PDK4: variants seen among roughly 807,000 people sequenced by gnomAD.
The protein encoded by PDK4 is pyruvate dehydrogenase kinase 4.
Under a neutral mutation model 51.7 loss-of-function variants are expected in PDK4, and 43 were observed. The observed-to-expected ratio is 0.83, with a 90% confidence interval of 0.65 to 1.07. The LOEUF (loss-of-function observed/expected upper bound fraction) is 1.07. PDK4 is among the 50% of genes least tolerant of loss of function. The pLI is 0.00. For synonymous variants in PDK4, 170 were observed against 176.6 expected (o/e 0.96, Z 0.30); for missense variants, 498 against 503.5 (o/e 0.99, Z 0.10).
Position 95,584,642 on chromosome 7 carries a change from A to G in PDK4, c.*999T>C, listed in dbSNP as rs1336385095. ...TTAATGCTGGAGTGTAGAGAATATA[A>G]TTAAATATATCAAAAATATATCTTT... is the stretch of plus-strand genomic sequence containing the variant. On this transcript the variant is annotated 3_prime_UTR_variant, in exon 11 of 11. Coordinates refer to ENST00000005178, the MANE Select transcript of PDK4 (RefSeq NM_002612.4). 1.3e-5 allele frequency: 2 copies of G among 152,224 alleles called. No individual in the cohort carries two copies. Among genetic ancestry groups the G allele is most frequent in the Non-Finnish European group, 2.9e-5 (2 of 68,028 alleles). 9.4% of individuals were successfully genotyped at this position (152,224 alleles called of 1,614,324 possible).
intron 7 of PDK4, 104 bp downstream of exon 7, chr7:95,589,536 A>G (rs2116714198): frequency 1.6e-6 from 1 of 625,310 alleles, no homozygotes; most frequent in Non-Finnish European, 2.8e-6. Context: ...TTCTTGGGAA[A>G]AGATATTGAG....
At position 95,592,630 on chromosome 7, in the gene PDK4, A is replaced by T. The variant is rs41278806; in HGVS notation, c.530-33T>A. ...AAAATAAAAACAAAAAAAAATTGTT[A>T]TAAAATTCAGGATAATGATTAGTAC... On this transcript the variant is annotated intron_variant, in intron 4 of 10. Transcript: ENST00000005178. 1.7e-5 allele frequency: 26 copies of T among 1,511,540 alleles called. No homozygotes were observed. The Admixed American group carries it at 3.2e-4, about 18-fold the overall frequency. The allele number at this position is 1,511,540 out of a possible 1,614,324, so 93.6% of individuals were successfully genotyped here. A position where few individuals can be genotyped will look rare whatever the true frequency, so the allele number is the denominator to read the frequency against.
rs918274782 is a variant in PDK4, at chr7:95,585,495, A to G, written c.*146T>C. 2.2e-5 allele frequency: 14 copies of G among 623,124 alleles called. No homozygotes were observed. The African/African-American group carries it at 2.5e-4, about 11-fold the overall frequency. The allele number at this position is 623,124 out of a possible 1,614,324, so 38.6% of individuals were successfully genotyped here. ...CTCCTGGGTCACAGAAACAAGCTCC[A>G]TTCCTCATTGGATCAGTGTTCTGAT... On this transcript the variant is annotated 3_prime_UTR_variant, in exon 11 of 11. Transcript: ENST00000005178.
chr7:95,595,293 T>C (rs1020260665), intron 1 of PDK4, 129 bp from the exon 2 acceptor site: 3 of 566,802 alleles, frequency 5.3e-6, no homozygotes, highest in Non-Finnish European at 8.9e-6. Context: ...GTTGGGTTAC[T>C]GTTAATCGAT....
Position 95,587,715 on chromosome 7 carries a change from G to A in PDK4, c.870+12C>T, listed in dbSNP as rs45507091. On this transcript the variant is annotated intron_variant, in intron 8 of 10. Coordinates refer to ENST00000005178, the MANE Select transcript of PDK4 (RefSeq NM_002612.4). ...TCAAGAGACACCCAAAAGGAAAACA[G>A]AGAATGGTTACCTTAATGGTAAGGT... 87,774 of 1,556,784 alleles carry A rather than the reference G, an allele frequency of 0.056. 2,788 individuals are homozygous for A. The highest frequency in any genetic ancestry group is 0.1 in the Middle Eastern group (614 of 5,936).
At chr7:95,587,937 AT>A in intron 7 of PDK4, 112 bp from the exon 8 acceptor site, 5 of 708,896 alleles carry the variant, frequency 7.1e-6, no homozygotes, top group Non-Finnish European at 9.6e-6. Flanking sequence ...CAAAGTTCCT[AT>A]TTTTTTAAGT....
rs1791467813 is a variant in PDK4 at position 95,585,361 on chromosome 7, G to A, written c.*280C>T. 2 of 259,268 alleles carry A rather than the reference G, an allele frequency of 7.7e-6. No individual in the cohort carries two copies. The highest frequency in any genetic ancestry group is 1.5e-5 in the Non-Finnish European group (2 of 137,672). 16.1% of individuals were successfully genotyped at this position (259,268 alleles called of 1,614,324 possible). A position where few individuals can be genotyped will look rare whatever the true frequency, so the allele number is the denominator to read the frequency against. ...TTTCTTATTCTTATCAAAAACAGAT[G>A]GAAAACTGAGGCTTATTTCTTCAGG... On this transcript the variant is annotated 3_prime_UTR_variant, in exon 11 of 11. Coordinates refer to ENST00000005178, the MANE Select transcript of PDK4 (RefSeq NM_002612.4).
In PDK4 at chr7:95,593,006, A is replaced by G. The variant is rs574597262; in HGVS notation, c.345-62T>C. On this transcript the variant is annotated intron_variant, in intron 3 of 10. Transcript: ENST00000005178. ...TACGTTTCATTCACTTATACTCCTA[A>G]GGTTACTTCACAGAAGGCTAAAGTT... The G allele has an allele frequency of 1.0e-5, 12 of 1,152,110 alleles. No homozygotes were observed. The East Asian group carries it at 1.2e-4, about 12-fold the overall frequency. The allele number at this position is 1,152,110 out of a possible 1,614,324, so 71.4% of individuals were successfully genotyped here.
intron 6 of PDK4, 111 bp downstream of exon 6, chr7:95,591,877 T>C: frequency 3.2e-6 from 2 of 620,624 alleles, no homozygotes; most frequent in Non-Finnish European, 5.6e-6. Context: ...GTACAAACTT[T>C]AGGCAAGAGA....
chr7:95,592,837 G>A lies in PDK4; in HGVS notation c.452C>T (p.Thr151Ile). The A allele has an allele frequency of 1.9e-6, 3 of 1,612,756 alleles. No individual in the cohort carries two copies. The highest frequency in any genetic ancestry group is 2.5e-6 in the Non-Finnish European group (3 of 1,178,924). The change falls in exon 4 of 11, where the codon ACC becomes ATC. Residue 151 changes from threonine to isoleucine, a missense_variant. Physicochemically the swap from Thr to Ile is moderately conservative, Grantham distance 89. Transcript: ENST00000005178. ...CAAGAAATATTGAAGATTTTGATTG[G>A]TGACTGGGTCAACTGTACAGGCATC... is the stretch of plus-strand genomic sequence containing the variant. ...YKDACTVDPV[T>I]NQNLQYFLDR...
chr7:95,592,591 A>G lies in PDK4; in HGVS notation c.536T>C (p.Ile179Thr), dbSNP rs1298369398. The G allele has an allele frequency of 3.1e-6, 5 of 1,599,506 alleles. No individual in the cohort carries two copies. The East Asian group carries it at 8.9e-5, about 29-fold the overall frequency. The part of the protein sequence containing the change: ...TRMLMNQHIL[I>T]FSDSQTGNPS... The stretch of plus-strand genomic sequence containing the variant: ...GTTTCCTGTCTGTGAGTCACTAAAT[A>G]TAAGAACTGTTGAAAAATAAAAACA... Residue 179 changes from isoleucine (I) to threonine (T), a missense_variant, in exon 5 of 11, where the codon ATA (isoleucine) becomes ACA (threonine). Transcript: ENST00000005178.
intron 6 of PDK4, among the ~76,000 whole-genome samples, chr7:95,589,964 T>C (rs1243349298): frequency 1.3e-5 from 2 of 152,118 alleles, no homozygotes; most frequent in Non-Finnish European, 2.9e-5. Flanking sequence ...GATAGGGTCT[T>C]ACTATGTTGT....
At chr7:95,586,353 C>T (rs965302834) in intron 10 of PDK4, among the ~76,000 whole-genome samples, 2 of 152,078 alleles carry the variant, frequency 1.3e-5, no homozygotes, top group Non-Finnish European at 1.5e-5. Context: ...CGCCACCACA[C>T]CCAGCTAATT....
Position 95,592,890 on chromosome 7 carries a change from T to C in PDK4, c.399A>G (p.Thr133=), listed in dbSNP as rs1262826311. 1.2e-6 allele frequency: 2 copies of C among 1,612,320 alleles called. No homozygotes were observed. The highest frequency in any genetic ancestry group is 8.5e-7 in the Non-Finnish European group (1 of 1,178,632). The change falls in exon 4 of 11, where the codon ACA becomes ACG. Residue 133 remains threonine (T), a synonymous_variant. Transcript: ENST00000005178. ...VRNRHHNVVP[T]MAQGIIEYKD... ...TATACTCTATGATTCCTTGTGCCAT[T>C]GTAGGGACTACATTATGGTGTCTAT...
chr7:95,596,053 A>C, intron 1 of PDK4, 111 bp downstream of exon 1: 1 of 1,212,842 alleles, frequency 8.2e-7, no homozygotes, highest in Non-Finnish European at 1.1e-6. Context: ...CTCAGCAGCA[A>C]AGTGAACCCC....
rs1390083348 is a variant in PDK4, at chr7:95,584,334, C to T, written c.*1307G>A. The T allele has an allele frequency of 1.3e-5, 2 of 152,112 alleles. No homozygotes were observed. The highest frequency in any genetic ancestry group is 2.9e-5 in the Non-Finnish European group (2 of 67,996). 9.4% of individuals were successfully genotyped at this position (152,112 alleles called of 1,614,324 possible). On this transcript the variant is annotated 3_prime_UTR_variant, in exon 11 of 11. Coordinates refer to ENST00000005178, the MANE Select transcript of PDK4 (RefSeq NM_002612.4). ...GCTTCCCTCTCTTCCTATATCCTTT[C>T]TTTCCTTCCTGCCTTCTTTCATTTT...
chr7:95,590,575 A>G (rs549868208), intron 6 of PDK4, among the ~76,000 whole-genome samples: 1 of 152,328 alleles, frequency 6.6e-6, no homozygotes, highest in East Asian at 1.9e-4. Context: ...CAGTTTATCT[A>G]CAAGTATTAT....
At chr7:95,595,523 G>A (rs1439128368) in intron 1 of PDK4, among the ~76,000 whole-genome samples, 1 of 152,186 alleles carries the variant, frequency 6.6e-6, no homozygotes, top group Non-Finnish European at 1.5e-5. Context: ...CCTTTAATGA[G>A]TGGGGACATG....
At chr7:95,589,243 C>T (rs572553193) in intron 7 of PDK4, among the ~76,000 whole-genome samples, 2 of 152,286 alleles carry the variant, frequency 1.3e-5, no homozygotes, top group East Asian at 3.9e-4. Flanking sequence ...AATTCTGGAC[C>T]TGAACTGCTG....
Sources: gnomAD v4.1 joint callset for allele counts (sites outside exome capture counted in the v4.1 genomes callset) on GRCh38, gnomAD v4.1.1 for gene constraint, MANE v1.5 for transcripts, NCBI Gene and HGNC (gene_info 2026-07-23, HGNC 2026-07-21) for gene names.